The following C1orf141 variants were observed in gnomAD, a reference collection of about 807,000 sequenced individuals.
C1orf141 encodes the protein uncharacterized protein C1orf141.
C1orf141 carries 19 observed loss-of-function variants against 23.2 expected under a neutral mutation model. The observed-to-expected ratio is 0.82, with a 90% CI of 0.57 to 1.20. The LOEUF is 1.20. Ranked by LOEUF, C1orf141 falls within the 50% of genes most tolerant of loss-of-function variation. The pLI, the probability that C1orf141 is intolerant of heterozygous loss-of-function variation, is 0.00. For missense variants in C1orf141, 469 were observed against 455.1 expected (o/e 1.03, Z -0.28); for synonymous variants, 153 against 154.6 (o/e 0.99, Z 0.08).
chr1:67,109,155 G>A (rs1030777352), intron 5 of C1orf141, among the ~76,000 whole-genome samples: 6 of 151,954 alleles, frequency 3.9e-5, no homozygotes, highest in South Asian at 2.1e-4. Flanking sequence ...GTGAAACCCC[G>A]TCTCTACTAA....
At chr1:67,140,595 T>C (rs1646627773) in intron 1 of C1orf141, among the ~76,000 whole-genome samples, 2 of 152,188 alleles carry the variant, frequency 1.3e-5, no homozygotes, top group African/African-American at 2.4e-5. Context: ...CTGTACATTG[T>C]TAGGATGGGA....
chr1:67,102,143 A>T (rs1200640093), intron 5 of C1orf141, among the ~76,000 whole-genome samples: 1 of 152,192 alleles, frequency 6.6e-6, no homozygotes, highest in Non-Finnish European at 1.5e-5. Flanking sequence ...AATTTAGTGT[A>T]TCCTGAACAG....
upstream of C1orf141, among the ~76,000 whole-genome samples, chr1:67,135,906 CAAAAAA>C (rs59519661): frequency 3.2e-5 from 2 of 62,590 alleles, no homozygotes; most frequent in African/African-American, 1.5e-4. Context: ...GGCAAAACTG[CAAAAAA>C]AAAAAAAAAA....
chr1:67,112,448 C>A (rs979984317), intron 5 of C1orf141, among the ~76,000 whole-genome samples: 6 of 152,022 alleles, frequency 3.9e-5, no homozygotes, highest in Admixed American at 2.6e-4. Flanking sequence ...ACACCTATAA[C>A]CCCAGCACTT....
At chr1:67,133,718 G>T (rs931292274) in intron 1 of C1orf141, among the ~76,000 whole-genome samples, 1 of 152,106 alleles carries the variant, frequency 6.6e-6, no homozygotes, top group African/African-American at 2.4e-5. Context: ...TTGGGACACC[G>T]AGGATACACA....
intron 5 of C1orf141, among the ~76,000 whole-genome samples, chr1:67,108,091 C>A (rs958313350): frequency 2.0e-5 from 3 of 152,156 alleles, no homozygotes; most frequent in Admixed American, 6.5e-5. Flanking sequence ...AAATTAACCC[C>A]ATCTTCATTC....
chr1:67,105,277 G>T (rs1645897068), intron 5 of C1orf141, among the ~76,000 whole-genome samples: 1 of 135,066 alleles, frequency 7.4e-6, no homozygotes, highest in African/African-American at 2.8e-5. Context: ...ATTGCACTGA[G>T]ATCAAGCCAC....
intron 5 of C1orf141, chr1:67,103,233 T>C: frequency 7.2e-7 from 1 of 1,388,622 alleles, no homozygotes; most frequent in Non-Finnish European, 9.6e-7. Context: ...ATGCAATTTG[T>C]ATACCTGTAA....
intron 5 of C1orf141, among the ~76,000 whole-genome samples, chr1:67,098,082 G>A (rs1261443431): frequency 2.0e-5 from 3 of 152,138 alleles, no homozygotes; most frequent in East Asian, 1.9e-4. Context: ...CCTGGCAGAC[G>A]AATTCCATTC....
At chr1:67,102,480 C>T (rs771964764) in intron 5 of C1orf141, among the ~76,000 whole-genome samples, 5 of 151,756 alleles carry the variant, frequency 3.3e-5, no homozygotes, top group East Asian at 1.9e-4. Flanking sequence ...GGGGAGTTGG[C>T]GTTGGGAAAA....
chr1:67,106,459 C>G (rs1175396409), intron 5 of C1orf141, among the ~76,000 whole-genome samples: 1 of 151,676 alleles, frequency 6.6e-6, no homozygotes, highest in Admixed American at 6.6e-5. Context: ...CCAGCCTGGC[C>G]AACATGGTGA....
At chr1:67,118,063 T>C (rs1484441638) in intron 4 of C1orf141, among the ~76,000 whole-genome samples, 1 of 152,224 alleles carries the variant, frequency 6.6e-6, no homozygotes, top group Non-Finnish European at 1.5e-5. Flanking sequence ...TGAAATTTAC[T>C]CCACTTAGTC....
chr1:67,100,449 A>G (rs968140581), intron 5 of C1orf141, among the ~76,000 whole-genome samples: 3 of 152,202 alleles, frequency 2.0e-5, no homozygotes, highest in Admixed American at 6.5e-5. Flanking sequence ...AAATTCTGGT[A>G]GCATCATTTC....
chr1:67,132,902 G>A (rs185095680), intron 1 of C1orf141, among the ~76,000 whole-genome samples: 8 of 152,170 alleles, frequency 5.3e-5, no homozygotes, highest in East Asian at 3.9e-4. Context: ...TTGTTTGTTC[G>A]TTTGTTTTTA....
chr1:67,098,820 T>A (rs1178294913), intron 5 of C1orf141, among the ~76,000 whole-genome samples: 1 of 151,896 alleles, frequency 6.6e-6, no homozygotes, highest in Non-Finnish European at 1.5e-5. Context: ...CAGACTAAGG[T>A]AAAAATAAAA....
intron 7 of C1orf141, chr1:67,094,976 A>C (rs1037904312): frequency 4.0e-5 from 14 of 348,216 alleles, no homozygotes; most frequent in Non-Finnish European, 5.1e-6. Context: ...TTTATTCTAC[A>C]GTTCTATTAT....
chr1:67,112,365 T>C (rs374025571), intron 5 of C1orf141, among the ~76,000 whole-genome samples: 1 of 152,128 alleles, frequency 6.6e-6, no homozygotes, highest in African/African-American at 2.4e-5. Flanking sequence ...TGCCCAATGA[T>C]GCATACATTT....
Position 67,125,903 on chromosome 1 carries a change from T to C in C1orf141, c.82A>G (p.Arg28Gly), listed in dbSNP as rs1474365299. 16 of 1,587,860 alleles carry C rather than the reference T, an allele frequency of 1.0e-5. No individual in the cohort carries two copies. Among genetic ancestry groups the C allele is most frequent in the Non-Finnish European group, 1.3e-5 (15 of 1,170,418 alleles). ...IILARRTKINRLQSEGRKTTM... is the reference protein window; with the variant it reads ...IILARRTKINGLQSEGRKTTM... Reference sequence around the variant, plus strand: ...GTTTTTCTTCCTTCACTCTGAAGCCTGTTTATCTGCAGCAATGCCAAAGTG... The same window carrying C: ...GTTTTTCTTCCTTCACTCTGAAGCCCGTTTATCTGCAGCAATGCCAAAGTG... The change falls in exon 4 of 8, where the codon AGG becomes GGG. Residue 28 changes from arginine (R) to glycine (G), a missense_variant. Around this residue, in one of 3 missense-constraint regions of C1orf141, gnomAD observed 95 missense variants for 90.3 expected, o/e 1.05. Transcript: ENST00000684719.
At chr1:67,132,533 A>AG (rs1219426585) in intron 1 of C1orf141, among the ~76,000 whole-genome samples, 7 of 151,968 alleles carry the variant, frequency 4.6e-5, no homozygotes, top group Admixed American at 3.9e-4. Context: ...AAAAAAAAAA[A>AG]GAGGTTTACT....
Sources: allele counts gnomAD v4.1 joint callset (sites outside exome capture counted in the v4.1 genomes callset), GRCh38; gene constraint gnomAD v4.1.1; regional missense constraint gnomAD v4.1.1; transcripts MANE v1.5; gene names NCBI Gene and HGNC (gene_info 2026-07-23, HGNC 2026-07-21).